Variants in PTPRD observed in about 807,000 individuals in gnomAD.
PTPRD encodes the protein receptor-type tyrosine-protein phosphatase delta.
A neutral mutation model predicts 214.5 loss-of-function variants in PTPRD; 34 were observed. The ratio of observed to expected loss-of-function variants is 0.16; its 90% CI spans 0.12 to 0.21. The LOEUF (loss-of-function observed/expected upper bound fraction) is 0.21, where lower values mean the gene tolerates loss of function less well. Ranked by LOEUF, PTPRD falls within the 10% of genes least tolerant of loss-of-function variation. The probability of loss-of-function intolerance (pLI) is 1.00; values close to 1 mark genes in which losing one functional copy is unlikely to be tolerated. For synonymous variants in PTPRD, 1,128 were observed against 845.7 expected, an observed-to-expected ratio of 1.33 and a Z score of -5.79; for missense variants, 2,545 against 2,398.7, an observed-to-expected ratio of 1.06 and a Z score of -1.27.
chr9:10,263,094 T>C (rs2093804963), intron 3 of PTPRD, among the ~76,000 whole-genome samples: 1 of 152,158 alleles, frequency 6.6e-6, no homozygotes, highest in African/African-American at 2.4e-5. Context: ...TCCCCAGCCA[T>C]GTGGAACTGT....
At chr9:10,511,569 A>ATTTTTTTTTT (rs66768632) in intron 2 of PTPRD, among the ~76,000 whole-genome samples, 27 of 127,864 alleles carry the variant, frequency 2.1e-4, no homozygotes, top group Non-Finnish European at 2.9e-4. Flanking sequence ...ACACCCTGGT[A>ATTTTTTTTTT]TTTTTTTTTT....
intron 12 of PTPRD, among the ~76,000 whole-genome samples, chr9:8,733,351 G>A (rs951727317): frequency 1.3e-5 from 2 of 152,126 alleles, no homozygotes; most frequent in African/African-American, 2.4e-5. Flanking sequence ...GGGCTTGGAA[G>A]TTTAATTAGG....
intron 2 of PTPRD, among the ~76,000 whole-genome samples, chr9:10,347,383 G>A (rs1416385118): frequency 2.6e-5 from 4 of 151,166 alleles, no homozygotes; most frequent in Non-Finnish European, 5.9e-5. Flanking sequence ...TGTAAAGATG[G>A]AATGTCCATC....
chr9:10,195,104 T>G (rs2154327411), intron 3 of PTPRD, among the ~76,000 whole-genome samples: 1 of 146,452 alleles, frequency 6.8e-6, no homozygotes, highest in East Asian at 2.0e-4. Context: ...GGCTATTTTT[T>G]TTTTTTTTTT....
At chr9:9,605,440 C>A (rs73641332) in intron 7 of PTPRD, among the ~76,000 whole-genome samples, 1 of 151,916 alleles carries the variant, frequency 6.6e-6, no homozygotes, top group African/African-American at 2.4e-5. Flanking sequence ...CCTGCTTCTA[C>A]GTATATTGTC....
intron 2 of PTPRD, among the ~76,000 whole-genome samples, chr9:10,574,892 C>T (rs921750282): frequency 2.7e-5 from 4 of 149,632 alleles, no homozygotes; most frequent in Non-Finnish European, 4.4e-5. Context: ...TTGCCTTTTC[C>T]CATTTGTCTA....
At chr9:9,251,520 A>G (rs1394158364) in intron 9 of PTPRD, among the ~76,000 whole-genome samples, 2 of 152,058 alleles carry the variant, frequency 1.3e-5, no homozygotes, top group African/African-American at 2.4e-5. Flanking sequence ...AGCCGGCTCA[A>G]GGGTGTTTCT....
chr9:9,475,405 T>C (rs777788463), intron 8 of PTPRD, among the ~76,000 whole-genome samples: 21 of 152,180 alleles, frequency 1.4e-4, no homozygotes, highest in Non-Finnish European at 3.1e-4. Context: ...ATGGAAGATT[T>C]TGAGTAAAAC....
chr9:10,234,885 T>C (rs2099623863), intron 3 of PTPRD, among the ~76,000 whole-genome samples: 1 of 151,882 alleles, frequency 6.6e-6, no homozygotes, highest in African/African-American at 2.4e-5. Flanking sequence ...CAATTCTTCT[T>C]ATATATTACC....
At chr9:10,157,390 A>T (rs1255088103) in intron 3 of PTPRD, among the ~76,000 whole-genome samples, 1 of 152,140 alleles carries the variant, frequency 6.6e-6, no homozygotes, top group Non-Finnish European at 1.5e-5. Flanking sequence ...TTGCTTATAA[A>T]GCTGAGTTTG....
intron 11 of PTPRD, among the ~76,000 whole-genome samples, chr9:8,795,036 C>T (rs1429510805): frequency 6.6e-6 from 1 of 152,146 alleles, no homozygotes; most frequent in Non-Finnish European, 1.5e-5. Context: ...TTCATAACAT[C>T]TCTTAGCCTC....
intron 10 of PTPRD, among the ~76,000 whole-genome samples, chr9:9,042,614 C>CTTTTTTTTTTTTTTTTTT (rs775574124): frequency 8.9e-6 from 1 of 112,474 alleles, no homozygotes; most frequent in Non-Finnish European, 1.8e-5. Context: ...TCTTTTTTTT[C>CTTTTTTTTTTTTTTTTTT]TTTTCTTTTT....
intron 17 of PTPRD, among the ~76,000 whole-genome samples, chr9:8,525,497 C>A (rs908123027): frequency 1.3e-5 from 2 of 151,930 alleles, no homozygotes; most frequent in African/African-American, 4.8e-5. Context: ...GCCAAAAATA[C>A]GCAGCGAGCA....
chr9:8,550,100 A>C (rs904002382), intron 14 of PTPRD, among the ~76,000 whole-genome samples: 3 of 152,198 alleles, frequency 2.0e-5, no homozygotes, highest in African/African-American at 7.2e-5. Flanking sequence ...TTTAGTTTTT[A>C]CTGTATTCCC....
At chr9:9,115,299 T>C (rs1051004928) in intron 10 of PTPRD, among the ~76,000 whole-genome samples, 7 of 152,034 alleles carry the variant, frequency 4.6e-5, no homozygotes, top group African/African-American at 1.4e-4. Context: ...TAATCTTACA[T>C]AGAGGATAAT....
At chr9:9,948,540 C>T (rs1215063381) in intron 4 of PTPRD, among the ~76,000 whole-genome samples, 1 of 152,026 alleles carries the variant, frequency 6.6e-6, no homozygotes, top group Non-Finnish European at 1.5e-5. Flanking sequence ...AATTAAAAGT[C>T]CAATAGCTGC....
At chr9:10,444,340 C>T (rs143375117) in intron 2 of PTPRD, among the ~76,000 whole-genome samples, 66 of 151,752 alleles carry the variant, frequency 4.3e-4, no homozygotes, top group African/African-American at 1.3e-3. Context: ...AAGAAGAATA[C>T]GGCCTATTTG....
intron 14 of PTPRD, among the ~76,000 whole-genome samples, chr9:8,605,716 C>G (rs1221815639): frequency 6.6e-6 from 1 of 152,188 alleles, no homozygotes; most frequent in Non-Finnish European, 1.5e-5. Flanking sequence ...CATCAGTGCA[C>G]GTTGGTTCCC....
intron 12 of PTPRD, among the ~76,000 whole-genome samples, chr9:8,676,409 G>C (rs536100563): frequency 2.5e-4 from 32 of 130,198 alleles, no homozygotes; most frequent in African/African-American, 9.3e-4. Context: ...TTTAGATGGA[G>C]TTTTGCTGTG....
Sources: allele counts gnomAD v4.1 joint callset (sites outside exome capture counted in the v4.1 genomes callset), GRCh38; gene constraint gnomAD v4.1.1; transcripts MANE v1.5; gene names NCBI Gene and HGNC (gene_info 2026-07-23, HGNC 2026-07-21).